The following RAP1GDS1 variants were observed in gnomAD, a reference collection of about 807,000 sequenced individuals.
The protein encoded by RAP1GDS1 is RAP1, GTP-GDP dissociation stimulator 1.
In RAP1GDS1, 35 loss-of-function variants were observed where a neutral mutation model predicts 71.1. The observed-to-expected ratio is 0.49, with a 90% CI of 0.38 to 0.65. The LOEUF (loss-of-function observed/expected upper bound fraction) is 0.65. Among genes scored for constraint, RAP1GDS1 ranks in the 30% least tolerant of loss-of-function variants. RAP1GDS1 has a pLI of 0.00. For missense variants in RAP1GDS1, 663 were observed against 706.1 expected (o/e 0.94, Z 0.69); for synonymous variants, 229 against 243.1 (o/e 0.94, Z 0.54).
chr4:98,342,181 A>C, intron 2 of RAP1GDS1, among the ~76,000 whole-genome samples: 1 of 152,276 alleles, frequency 6.6e-6, no homozygotes, highest in East Asian at 1.9e-4. Flanking sequence ...TCAAATTATA[A>C]AAAATGATTT....
In RAP1GDS1 at chr4:98,417,468, G is replaced by A. The variant is rs1748196080; in HGVS notation, c.1009G>A (p.Ala337Thr). Reference sequence around the variant, plus strand: ...TAACCACCAGCTACAGCTTGCTGGAGCATTGGCAATTGCAAATTTTGCCAG... The same window carrying A: ...TAACCACCAGCTACAGCTTGCTGGAACATTGGCAATTGCAAATTTTGCCAG... ...SNNHQLQLAG[A>T]LAIANFARND... The change falls in exon 9 of 15, where the codon GCA (alanine) becomes ACA (threonine). Residue 337 changes from alanine to threonine, a missense_variant. Transcript: ENST00000408927. The A allele has an allele frequency of 6.2e-7, 1 of 1,613,796 alleles. No homozygotes were observed. Among genetic ancestry groups the A allele is most frequent in the African/African-American group, 1.3e-5 (1 of 74,922 alleles).
chr4:98,339,117 T>C (rs1330274757), intron 2 of RAP1GDS1, among the ~76,000 whole-genome samples: 3 of 152,192 alleles, frequency 2.0e-5, no homozygotes, highest in South Asian at 2.1e-4. Flanking sequence ...TTTACTCTTA[T>C]TCCAAGTTTC....
At chr4:98,346,834 G>T (rs1277316943) in intron 3 of RAP1GDS1, among the ~76,000 whole-genome samples, 1 of 152,164 alleles carries the variant, frequency 6.6e-6, no homozygotes, top group African/African-American at 2.4e-5. Flanking sequence ...GTGAGCCACT[G>T]CGCCCGGCCA....
intron 2 of RAP1GDS1, among the ~76,000 whole-genome samples, chr4:98,305,986 A>G (rs931927910): frequency 6.6e-6 from 1 of 152,218 alleles, no homozygotes; most frequent in Non-Finnish European, 1.5e-5. Flanking sequence ...CTGATTTACT[A>G]TAACTAAGGA....
chr4:98,354,796 T>A (rs994921687), intron 4 of RAP1GDS1, among the ~76,000 whole-genome samples: 10 of 152,156 alleles, frequency 6.6e-5, no homozygotes, highest in African/African-American at 2.4e-4. Flanking sequence ...TGATTAAGCA[T>A]AGTAAATACA....
At chr4:98,388,153 CG>C (rs1743046160) in intron 5 of RAP1GDS1, among the ~76,000 whole-genome samples, 1 of 152,252 alleles carries the variant, frequency 6.6e-6, no homozygotes. Context: ...AAAACAGCAC[CG>C]CCACCTACTG....
intron 7 of RAP1GDS1, among the ~76,000 whole-genome samples, chr4:98,413,406 T>G (rs1236965020): frequency 2.6e-5 from 4 of 150,972 alleles, no homozygotes; most frequent in African/African-American, 9.7e-5. Flanking sequence ...GAGTGTGATA[T>G]TCCCCTTCCA....
intron 2 of RAP1GDS1, among the ~76,000 whole-genome samples, chr4:98,314,141 A>C (rs1204481500): frequency 6.6e-6 from 1 of 152,142 alleles, no homozygotes; most frequent in South Asian, 2.1e-4. Flanking sequence ...TCATATTTTC[A>C]TTCTGATGTG....
intron 14 of RAP1GDS1, chr4:98,441,778 CCTTTA>C (rs1195194569): frequency 1.8e-6 from 1 of 558,010 alleles, no homozygotes; most frequent in Non-Finnish European, 2.3e-6. Context: ...AAAATTTTTT[CCTTTA>C]ATTTAAAAAA....
intron 2 of RAP1GDS1, among the ~76,000 whole-genome samples, chr4:98,341,543 A>T (rs1222289353): frequency 1.3e-5 from 2 of 152,204 alleles, no homozygotes; most frequent in Non-Finnish European, 2.9e-5. Flanking sequence ...ATCATGATTC[A>T]TGCCTTATGC....
chr4:98,334,123 C>T (rs59753152), intron 2 of RAP1GDS1, among the ~76,000 whole-genome samples: 122 of 152,128 alleles, frequency 8.0e-4, no homozygotes, highest in African/African-American at 2.8e-3. Flanking sequence ...TTCATGTAAG[C>T]GCTCATTTAT....
Position 98,352,461 on chromosome 4 carries a change from G to C in RAP1GDS1, c.236-15G>C. The stretch of plus-strand genomic sequence containing the variant: ...AATCGTTAGATTTTTAATTAAACAT[G>C]TCTCTTATTTTCAGAGTTTATGCGA... On this transcript the variant is annotated splice_polypyrimidine_tract_variant and intron_variant, in intron 3 of 14. Transcript: ENST00000408927. The C allele has an allele frequency of 3.7e-6, 6 of 1,610,250 alleles. No individual in the cohort carries two copies. The highest frequency in any genetic ancestry group is 4.2e-6 in the Non-Finnish European group (5 of 1,177,398).
chr4:98,301,325 G>C (rs1443703363), intron 2 of RAP1GDS1, among the ~76,000 whole-genome samples: 1 of 152,066 alleles, frequency 6.6e-6, no homozygotes. Flanking sequence ...ACAGCATTTG[G>C]AGAATATAGG....
At chr4:98,285,037 TC>T (rs1382747722) in intron 1 of RAP1GDS1, among the ~76,000 whole-genome samples, 1 of 152,162 alleles carries the variant, frequency 6.6e-6, no homozygotes, top group African/African-American at 2.4e-5. Flanking sequence ...CCTTTGTGAT[TC>T]CCGATTCATA....
intron 1 of RAP1GDS1, among the ~76,000 whole-genome samples, chr4:98,272,803 A>G (rs915423987): frequency 6.6e-6 from 1 of 152,160 alleles, no homozygotes; most frequent in African/African-American, 2.4e-5. Context: ...TTCAGTTGCC[A>G]TATAAAATCC....
intron 2 of RAP1GDS1, among the ~76,000 whole-genome samples, chr4:98,328,298 C>T (rs1733439130): frequency 1.3e-5 from 2 of 152,138 alleles, no homozygotes; most frequent in Admixed American, 1.3e-4. Context: ...TCAGTTATGG[C>T]ATTCTCCTAT....
At chr4:98,291,199 G>A (rs1726860665) in intron 1 of RAP1GDS1, among the ~76,000 whole-genome samples, 1 of 152,148 alleles carries the variant, frequency 6.6e-6, no homozygotes, top group Non-Finnish European at 1.5e-5. Flanking sequence ...TGGGTAAGAA[G>A]TGGGAGACTC....
At chr4:98,358,423 G>C (rs908488504) in intron 4 of RAP1GDS1, among the ~76,000 whole-genome samples, 4 of 151,870 alleles carry the variant, frequency 2.6e-5, no homozygotes, top group African/African-American at 9.7e-5. Context: ...GTTTTTTGGT[G>C]GTTAAACTTG....
At chr4:98,281,251 A>G (rs1311885670) in intron 1 of RAP1GDS1, among the ~76,000 whole-genome samples, 1 of 152,150 alleles carries the variant, frequency 6.6e-6, no homozygotes, top group East Asian at 1.9e-4. Flanking sequence ...TGAGCATAGA[A>G]TGTTCTTCCA....
Sources: gnomAD v4.1 joint callset for allele counts (sites outside exome capture counted in the v4.1 genomes callset) on GRCh38, gnomAD v4.1.1 for gene constraint, MANE v1.5 for transcripts, NCBI Gene and HGNC (gene_info 2026-07-23, HGNC 2026-07-21) for gene names.